The following MGST1 variants were observed in gnomAD, a reference collection of about 807,000 sequenced individuals.
The protein encoded by MGST1 is glutathione S-transferase 12.
In MGST1, 5 loss-of-function variants were observed where a neutral mutation model predicts 8.9. That is an observed-to-expected ratio of 0.56 (90% CI 0.29 to 1.19). MGST1 has a LOEUF of 1.19. MGST1 is among the 50% of genes most tolerant of loss of function. The probability of loss-of-function intolerance (pLI) is 0.08; values close to 1 mark genes in which losing one functional copy is unlikely to be tolerated. For missense variants in MGST1, 182 were observed against 187.4 expected (o/e 0.97, Z 0.17); for synonymous variants, 54 against 67.8 (o/e 0.80, Z 1.00).
intron 1 of MGST1, among the ~76,000 whole-genome samples, chr12:16,431,284 T>C (rs759302190): frequency 2.2e-4 from 34 of 152,196 alleles, no homozygotes; most frequent in Non-Finnish European, 3.4e-4. Context: ...TTTCTTATCA[T>C]TCATGTGTTG....
intron 4 of MGST1, among the ~76,000 whole-genome samples, chr12:16,574,971 C>G (rs1373389658): frequency 6.6e-6 from 1 of 152,084 alleles, no homozygotes; most frequent in Non-Finnish European, 1.5e-5. Flanking sequence ...CTTTCTTACC[C>G]TCAATTGAAG....
intron 1 of MGST1, among the ~76,000 whole-genome samples, chr12:16,386,900 T>C (rs1375629856): frequency 1.3e-5 from 2 of 152,224 alleles, no homozygotes; most frequent in African/African-American, 2.4e-5. Context: ...CTCTGCACAA[T>C]ATACACTGTC....
At position 16,519,687 on chromosome 12, in the gene MGST1, A is replaced by G. The variant is rs114690466; in HGVS notation, n.483-69841A>G. On this transcript the variant is annotated intron_variant and non_coding_transcript_variant, in intron 4 of 4. Coordinates refer to the MGST1 transcript ENST00000538857. ...AGCTGACTACAACTCTGTCTTCATAACTCCACCTTTCTCATTATGACCCAT... is the reference window on the plus strand; with the variant it reads ...AGCTGACTACAACTCTGTCTTCATAGCTCCACCTTTCTCATTATGACCCAT... Among the ~76,000 whole-genome samples, 753 of 152,174 alleles carry G rather than the reference A, an allele frequency of 4.9e-3. 8 individuals carry two copies. Among genetic ancestry groups the G allele is most frequent in the African/African-American group, 0.018 (727 of 41,518 alleles).
At chr12:16,532,384 G>T (rs940900536) in intron 4 of MGST1, among the ~76,000 whole-genome samples, 1 of 151,978 alleles carries the variant, frequency 6.6e-6, no homozygotes, top group African/African-American at 2.4e-5. Context: ...TGGTTGCTGG[G>T]AGTTAAAAAA....
Position 16,354,383 on chromosome 12 carries a change from G to C in MGST1, c.126+5G>C. 6.3e-7 allele frequency: 1 copy of C among 1,586,758 alleles called. No individual in the cohort carries two copies. The highest frequency in any genetic ancestry group is 1.4e-5 in the African/African-American group (1 of 73,270). ...TTCTATAGATTGACAAGAAAGGTAA[G>C]AAATTTGGAGGTAATATTTTCTTAC... On this transcript the variant is annotated splice_donor_5th_base_variant and intron_variant, in intron 2 of 3. Coordinates refer to ENST00000396210, the MANE Select transcript of MGST1 (RefSeq NM_020300.5).
chr12:16,365,195 A>C (rs1297473028), downstream of MGST1, among the ~76,000 whole-genome samples: 1 of 152,082 alleles, frequency 6.6e-6, no homozygotes, highest in Non-Finnish European at 1.5e-5. Flanking sequence ...ACAAACTTTC[A>C]CTTAATAGAT....
At chr12:16,466,101 T>C (rs1941253126) in intron 4 of MGST1, among the ~76,000 whole-genome samples, 1 of 152,232 alleles carries the variant, frequency 6.6e-6, no homozygotes, top group Non-Finnish European at 1.5e-5. Flanking sequence ...TGGTGGTTCA[T>C]TCAAGAAAAT....
intron 1 of MGST1, among the ~76,000 whole-genome samples, chr12:16,348,359 C>T (rs1052612546): frequency 2.6e-5 from 4 of 152,126 alleles, no homozygotes; most frequent in Non-Finnish European, 5.9e-5. Flanking sequence ...CTCACCTGTG[C>T]CCCACTTCCC....
intron 4 of MGST1, among the ~76,000 whole-genome samples, chr12:16,466,117 T>C (rs1941253296): frequency 6.6e-6 from 1 of 152,228 alleles, no homozygotes; most frequent in African/African-American, 2.4e-5. Context: ...AAAATTAATC[T>C]GTGTAATAAA....
intron 1 of MGST1, among the ~76,000 whole-genome samples, chr12:16,385,070 C>T (rs1940493055): frequency 2.0e-5 from 3 of 152,270 alleles, no homozygotes; most frequent in African/African-American, 2.4e-5. Context: ...ATGGATTTCA[C>T]CCACCGTGGA....
chr12:16,356,064 C>T (rs1591694302), intron 2 of MGST1, among the ~76,000 whole-genome samples: 1 of 152,098 alleles, frequency 6.6e-6, no homozygotes, highest in Non-Finnish European at 1.5e-5. Context: ...CCTTTCTCTT[C>T]TTATAAAGAC....
rs533539760 is a variant in MGST1, at chr12:16,575,053, CGTTT to C, written n.483-14470_483-14467del. 5.8e-3 allele frequency among the ~76,000 whole-genome samples: 878 copies of C among 152,168 alleles called. 8 individuals carry two copies. Among genetic ancestry groups the C allele is most frequent in the African/African-American group, 0.02 (849 of 41,516 alleles). ...AAACACACAAAAGAAAAGGTGTTTT[CGTTT>C]GTTTATTTTTACCTAGAAAAACATA... On this transcript the variant is annotated intron_variant and non_coding_transcript_variant, in intron 4 of 4. Transcript: ENST00000538857.
intron 2 of MGST1, among the ~76,000 whole-genome samples, chr12:16,355,084 A>C (rs1939651560): frequency 6.6e-6 from 1 of 152,066 alleles, no homozygotes. Flanking sequence ...CCCTGTGCTC[A>C]TTCAGCAACT....
At chr12:16,422,520 G>C (rs1044677191) in intron 1 of MGST1, among the ~76,000 whole-genome samples, 1 of 152,136 alleles carries the variant, frequency 6.6e-6, no homozygotes, top group Non-Finnish European at 1.5e-5. Context: ...ATAGGAGTGA[G>C]ATGAGGTGCA....
Position 16,430,165 on chromosome 12 carries a change from C to G in MGST1, n.779-7223C>G, listed in dbSNP as rs1014833172. Reference sequence around the variant, plus strand: ...CTATTAAAGTGTTATTATGAGGTTACAGCAGTTTAGTCACATCTTCAGGTT... The same window carrying G: ...CTATTAAAGTGTTATTATGAGGTTAGAGCAGTTTAGTCACATCTTCAGGTT... On this transcript the variant is annotated intron_variant and non_coding_transcript_variant, in intron 1 of 1. Transcript: ENST00000359720. Among the ~76,000 whole-genome samples the G allele has an allele frequency of 4.6e-5, 7 of 152,274 alleles. 1 individual carries two copies. Among genetic ancestry groups the G allele is most frequent in the African/African-American group, 1.4e-4 (6 of 41,548 alleles).
chr12:16,541,409 A>G (rs1941792708), intron 4 of MGST1, among the ~76,000 whole-genome samples: 2 of 152,202 alleles, frequency 1.3e-5, no homozygotes, highest in African/African-American at 4.8e-5. Context: ...TGACATTTGC[A>G]CAATGGCTTT....
exon 4 of MGST1, chr12:16,376,166 G>A: frequency 8.7e-7 from 1 of 1,151,272 alleles, no homozygotes; most frequent in Middle Eastern, 1.9e-4. Flanking sequence ...TCTATATAAA[G>A]TTTAACTCGG....
At chr12:16,409,722 G>A (rs11056922) in intron 1 of MGST1, among the ~76,000 whole-genome samples, 59,883 of 151,778 alleles carry the variant, frequency 0.39, 11,868 homozygotes, top group East Asian at 0.53. Flanking sequence ...TAACTATTTT[G>A]CCAGCGCTTT....
intron 4 of MGST1, among the ~76,000 whole-genome samples, chr12:16,565,092 T>C (rs11056997): frequency 0.52 from 78,942 of 151,886 alleles, 20,756 homozygotes; most frequent in South Asian, 0.62. Context: ...CCCGGTCTAG[T>C]ATTTGTTAAA....
Sources: gnomAD v4.1 joint callset for allele counts (sites outside exome capture counted in the v4.1 genomes callset) on GRCh38, gnomAD v4.1.1 for gene constraint, MANE v1.5 for transcripts, NCBI Gene and HGNC (gene_info 2026-07-23, HGNC 2026-07-21) for gene names.